Variants in KPNA2 observed in about 807,000 individuals in gnomAD.
The protein encoded by KPNA2 is karyopherin subunit alpha 2.
A neutral mutation model predicts 53.7 loss-of-function variants in KPNA2; 20 were observed. The observed-to-expected ratio is 0.37, with a 90% CI of 0.26 to 0.54. The LOEUF (loss-of-function observed/expected upper bound fraction) is 0.54. Ranked by LOEUF, KPNA2 falls within the 20% of genes least tolerant of loss-of-function variation. The pLI is 0.83. For synonymous variants in KPNA2, 238 were observed against 227.5 expected (o/e 1.05, Z -0.42); for missense variants, 515 against 640.3 (o/e 0.80, Z 2.11).
chr17:68,038,480 T>C lies in KPNA2; in HGVS notation c.213+985T>C, dbSNP rs1599138697. ...TTGTCACCAGCTTTGTTCAGGACTT[T>C]CCTTCTGAAATATTTACAGTAGCCT... On this transcript the variant is annotated intron_variant, in intron 3 of 10. Coordinates refer to ENST00000330459, the MANE Select transcript of KPNA2 (RefSeq NM_002266.4). Among the ~76,000 whole-genome samples, 4 of 152,238 alleles carry C rather than the reference T, an allele frequency of 2.6e-5. No homozygotes were observed. The South Asian group carries it at 6.2e-4, about 24-fold the overall frequency.
chr17:68,046,584 C>G lies in KPNA2; in HGVS notation c.1578C>G (p.Thr526=). 1 of 1,603,186 alleles carries G rather than the reference C, an allele frequency of 6.2e-7. No homozygotes were observed. Among genetic ancestry groups the G allele is most frequent in the Non-Finnish European group, 8.5e-7 (1 of 1,170,910 alleles). ...AAGTTCAGGATGGGGCTCCTGGGAC[C>G]TTTAACTTTTAGATCATGTAGCTGA... The part of the protein sequence containing the change: ...TFQVQDGAPG[T]FNF The change falls in exon 11 of 11, where the codon ACC becomes ACG. Residue 526 remains threonine, a synonymous_variant. Transcript: ENST00000330459.
rs782461316 is a variant in KPNA2 at position 68,044,063 on chromosome 17, C to G, written c.1156C>G (p.Leu386Val). 2.5e-6 allele frequency: 4 copies of G among 1,609,038 alleles called. No homozygotes were observed. In the Admixed American group the frequency reaches 6.7e-5, roughly 27 times the overall value. Residue 386 changes from leucine (L) to valine (V), a missense_variant, in exon 8 of 11, where the codon CTC (leucine) becomes GTC (valine). By Grantham distance (32) the Leu-to-Val change is conservative. Transcript: ENST00000330459. The part of the protein sequence containing the change: ...HGLVPFLVSV[L>V]SKADFKTQKE... ...ATTAGTCCCATTCCTTGTCAGTGTT[C>G]TCTCTAAGGTAACGAAGTCTTAGGA...
At chr17:68,039,644 G>C (rs1250506055) in intron 3 of KPNA2, among the ~76,000 whole-genome samples, 1 of 150,314 alleles carries the variant, frequency 6.7e-6, no homozygotes, top group Non-Finnish European at 1.5e-5. Flanking sequence ...GCTGGGCATC[G>C]TGGCGCATGC....
chr17:68,045,641 G>A, intron 9 of KPNA2, 131 bp from the exon 10 acceptor site: 1 of 670,000 alleles, frequency 1.5e-6, no homozygotes, highest in South Asian at 2.6e-5. Flanking sequence ...ATAAAACTAT[G>A]ATAGGCTTGA....
At chr17:68,035,918 G>C (rs945577861) in intron 1 of KPNA2, 78 bp downstream of exon 1, 7 of 152,430 alleles carry the variant, frequency 4.6e-5, no homozygotes, top group Admixed American at 4.6e-4. Flanking sequence ...GGTTGGGGGA[G>C]GGAGGCCCCG....
intron 4 of KPNA2, among the ~76,000 whole-genome samples, chr17:68,041,060 T>C (rs1277020447): frequency 6.6e-6 from 1 of 152,204 alleles, no homozygotes; most frequent in Non-Finnish European, 1.5e-5. Context: ...TTTACCAAAG[T>C]AATGTTTCAA....
At chr17:68,045,731 C>A (rs1179183373) in intron 9 of KPNA2, 41 bp from the exon 10 acceptor site, 47 of 1,416,160 alleles carry the variant, frequency 3.3e-5, no homozygotes, top group African/African-American at 5.8e-5. Context: ...AAAATAAAAC[C>A]AGAGTATATG....
intron 3 of KPNA2, among the ~76,000 whole-genome samples, chr17:68,039,718 G>C (rs1555704246): frequency 7.9e-5 from 12 of 151,446 alleles, no homozygotes; most frequent in Non-Finnish European, 1.5e-5. Flanking sequence ...AGGTGGAGGC[G>C]GTGGTGAGCC....
At chr17:68,037,049 G>C in intron 1 of KPNA2, 61 bp from the exon 2 acceptor site, 3 of 1,044,490 alleles carry the variant, frequency 2.9e-6, no homozygotes, top group South Asian at 2.5e-5. Flanking sequence ...TTCTTATTTG[G>C]TACTATTATT....
rs1328543556 is a variant in KPNA2 at position 68,046,812 on chromosome 17, A to G, written c.*216A>G. The G allele has an allele frequency of 1.8e-5, 7 of 384,322 alleles. No individual in the cohort carries two copies. The highest frequency in any genetic ancestry group is 8.7e-5 in the Admixed American group (2 of 22,950). The allele number at this position is 384,322 out of a possible 1,614,324, so 23.8% of individuals were successfully genotyped here. ...TATGTGGAATTTCCTATCTTGCAGC[A>G]TCCTGTAAATAAACATTCAAGTCCA... On this transcript the variant is annotated 3_prime_UTR_variant, in exon 11 of 11. Transcript: ENST00000330459.
chr17:68,040,996 C>T (rs1555704514), intron 4 of KPNA2, among the ~76,000 whole-genome samples: 1 of 152,234 alleles, frequency 6.6e-6, no homozygotes, highest in East Asian at 1.9e-4. Context: ...CTGACCTCAG[C>T]CTCCTGAAGT....
At position 68,042,165 on chromosome 17, in the gene KPNA2, T is replaced by C; in HGVS notation, c.383T>C (p.Leu128Ser). ...AGLIPKFVSF[L>S]GRTDCSPIQF... Reference sequence around the variant, plus strand: ...TTGATTCCGAAATTTGTGTCCTTCTTGGGCAGAACTGATTGTAGTCCCATT... The same window carrying C: ...TTGATTCCGAAATTTGTGTCCTTCTCGGGCAGAACTGATTGTAGTCCCATT... Residue 128 changes from leucine to serine, a missense_variant, in exon 5 of 11, where the codon TTG (leucine) becomes TCG (serine). Physicochemically the swap from Leu to Ser is moderately radical, Grantham distance 145. Transcript: ENST00000330459. 6.2e-7 allele frequency: 1 copy of C among 1,614,032 alleles called. No individual in the cohort carries two copies. Among genetic ancestry groups the C allele is most frequent in the South Asian group, 1.1e-5 (1 of 91,080 alleles).
At chr17:68,043,076 C>CA (rs1246379310) in intron 6 of KPNA2, 24 bp from the exon 7 acceptor site, 5 of 1,613,590 alleles carry the variant, frequency 3.1e-6, no homozygotes, top group Non-Finnish European at 4.2e-6. Context: ...CAGAACCTCT[C>CA]ATTGCCTATT....
At chr17:68,039,354 C>G (rs1725940269) in intron 3 of KPNA2, among the ~76,000 whole-genome samples, 1 of 151,690 alleles carries the variant, frequency 6.6e-6, no homozygotes, top group Non-Finnish European at 1.5e-5. Context: ...CTCCTGACCT[C>G]AGGTGATCCA....
In KPNA2 at chr17:68,046,390, G is replaced by C. The variant is rs141101310; in HGVS notation, c.1498-114G>C. 448 of 654,174 alleles carry C rather than the reference G, an allele frequency of 6.8e-4. 3 individuals carry two copies. In the African/African-American group the frequency reaches 7.3e-3, roughly 11 times the overall value. 40.5% of individuals were successfully genotyped at this position (654,174 alleles called of 1,614,324 possible). A position where few individuals can be genotyped will look rare whatever the true frequency, so the allele number is the denominator to read the frequency against. ...ATGTCAAATACTATAATATCATACA[G>C]GATTAAAGGTGTAATATGCAGATCA... On this transcript the variant is annotated intron_variant, in intron 10 of 10. Transcript: ENST00000330459.
Position 68,042,958 on chromosome 17 carries a change from CTGT to C in KPNA2, c.628_630del (p.Leu210del). 1 of 1,613,750 alleles carries C rather than the reference CTGT, an allele frequency of 6.2e-7. No homozygotes were observed. Among genetic ancestry groups the C allele is most frequent in the Non-Finnish European group, 8.5e-7 (1 of 1,179,874 alleles). On this transcript the variant is annotated inframe_deletion, in exon 6 of 11. Coordinates refer to ENST00000330459, the MANE Select transcript of KPNA2 (RefSeq NM_002266.4). ...TATTAAGTACGGTGCAGTTGACCCA[CTGT>C]TGGCTCTCCTTGCAGTTCCTGATAT...
In KPNA2 at chr17:68,042,361, G is replaced by C; in HGVS notation, c.571+8G>C. On this transcript the variant is annotated splice_region_variant and intron_variant, in intron 5 of 10. Transcript: ENST00000330459. ...CTCTAGGAAACATTGCAGGTACTTG[G>C]ACTTGAAGTTCTTTTGACTGAATGT... 1.2e-6 allele frequency: 2 copies of C among 1,612,882 alleles called. No homozygotes were observed. Among genetic ancestry groups the C allele is most frequent in the Non-Finnish European group, 1.7e-6 (2 of 1,179,088 alleles).
At chr17:68,044,754 G>C (rs2071308800) in intron 9 of KPNA2, among the ~76,000 whole-genome samples, 1 of 152,130 alleles carries the variant, frequency 6.6e-6, no homozygotes, top group Non-Finnish European at 1.5e-5. Flanking sequence ...CTGTTTACTT[G>C]GTTGATTTAA....
At chr17:68,037,523 T>A in intron 3 of KPNA2, 28 bp downstream of exon 3, 1 of 1,600,274 alleles carries the variant, frequency 6.2e-7, no homozygotes, top group Non-Finnish European at 8.5e-7. Flanking sequence ...GTTTATGAGT[T>A]ACGTGAAATC....
Sources: gnomAD v4.1 joint callset for allele counts (sites outside exome capture counted in the v4.1 genomes callset) on GRCh38, gnomAD v4.1.1 for gene constraint, MANE v1.5 for transcripts, NCBI Gene and HGNC (gene_info 2026-07-23, HGNC 2026-07-21) for gene names.